KCNK9: variants seen among roughly 807,000 people sequenced by gnomAD.
The protein encoded by KCNK9 is potassium channel subfamily K member 9.
A neutral mutation model predicts 10.8 loss-of-function variants in KCNK9; 1 was observed. That is an observed-to-expected ratio of 0.09 (90% CI 0.03 to 0.44). The LOEUF is 0.44. Among genes scored for constraint, KCNK9 ranks in the 20% least tolerant of loss-of-function variants. The probability of loss-of-function intolerance (pLI) is 0.97; values close to 1 mark genes in which losing one functional copy is unlikely to be tolerated. For missense variants in KCNK9, 303 were observed against 515.0 expected (o/e 0.59, Z 3.98); for synonymous variants, 231 against 222.7 (o/e 1.04, Z -0.33).
chr8:139,649,066 C>T (rs1244110003), intron 1 of KCNK9, among the ~76,000 whole-genome samples: 1 of 152,174 alleles, frequency 6.6e-6, no homozygotes, highest in Non-Finnish European at 1.5e-5. Flanking sequence ...ATTTATCCTC[C>T]GAGGAGCTTT....
At chr8:139,637,474 G>T (rs958110463) in intron 1 of KCNK9, among the ~76,000 whole-genome samples, 44 of 152,180 alleles carry the variant, frequency 2.9e-4, no homozygotes, top group African/African-American at 1.0e-3. Flanking sequence ...AGAGAATCTT[G>T]CTCTTTGTGA....
chr8:139,661,545 T>G (rs775325588), intron 1 of KCNK9, among the ~76,000 whole-genome samples: 44 of 152,290 alleles, frequency 2.9e-4, no homozygotes, highest in Non-Finnish European at 4.9e-4. Context: ...TGCCCTCCCC[T>G]CTGGGGCCTC....
Position 139,702,674 on chromosome 8 carries a change from G to T in KCNK9, c.283+36C>A, listed in dbSNP as rs1453020321. On this transcript the variant is annotated intron_variant, in intron 1 of 1. Transcript: ENST00000520439. This position sits in a 1 kb window ranked among gnomAD's most constrained non-coding sequence, Gnocchi z 7.5. ...TCAGCCGCCTCCCCGGACTCCTCCCGGGGCGCGGGAGCCCAGCGGCGCGCC... is the reference window on the plus strand; with the variant it reads ...TCAGCCGCCTCCCCGGACTCCTCCCTGGGCGCGGGAGCCCAGCGGCGCGCC... 1 of 1,577,400 alleles carries T rather than the reference G, an allele frequency of 6.3e-7. No individual in the cohort carries two copies. The highest frequency in any genetic ancestry group is 1.3e-5 in the African/African-American group (1 of 74,282).
At position 139,618,996 on chromosome 8, in the gene KCNK9, G is replaced by T. The variant is rs578106232; in HGVS notation, c.387C>A (p.Gly129=). 1.2e-6 allele frequency: 2 copies of T among 1,614,188 alleles called. No individual in the cohort carries two copies. The highest frequency in any genetic ancestry group is 3.3e-5 in the Admixed American group (2 of 60,030). Residue 129 remains glycine (G), a synonymous_variant, in exon 2 of 2, where the codon GGC becomes GGA. Coordinates refer to ENST00000520439, the MANE Select transcript of KCNK9 (RefSeq NM_001282534.2). This position sits in a 1 kb window ranked among gnomAD's most constrained non-coding sequence, Gnocchi z 7.9. The part of the protein sequence containing the change: ...PLTLVMFQSL[G]ERMNTFVRYL... ...AGCGCACGAAGGTGTTCATGCGCTC[G>T]CCCAGGCTCTGGAACATGACCAGTG... is the stretch of plus-strand genomic sequence containing the variant.
At chr8:139,678,963 G>A (rs1432876458) in intron 1 of KCNK9, among the ~76,000 whole-genome samples, 11 of 152,258 alleles carry the variant, frequency 7.2e-5, no homozygotes. Context: ...GGCCTGCCCT[G>A]GCTGAAAGAA....
At chr8:139,638,772 C>CT (rs1815410847) in intron 1 of KCNK9, among the ~76,000 whole-genome samples, 1 of 152,206 alleles carries the variant, frequency 6.6e-6, no homozygotes, top group Admixed American at 6.5e-5. Context: ...TCAGCACCCG[C>CT]TGTGGGATGG....
intron 1 of KCNK9, among the ~76,000 whole-genome samples, chr8:139,686,237 G>A (rs867624545): frequency 2.0e-5 from 3 of 152,146 alleles, no homozygotes; most frequent in African/African-American, 7.2e-5. Context: ...CAAAAGCAAT[G>A]AAAACAAAAG....
At chr8:139,658,167 G>A (rs1319874715) in intron 1 of KCNK9, among the ~76,000 whole-genome samples, 1 of 152,176 alleles carries the variant, frequency 6.6e-6, no homozygotes, top group Non-Finnish European at 1.5e-5. Flanking sequence ...AGAGGTTGAG[G>A]GCACCAAGTA....
chr8:139,656,316 C>T (rs747365887), intron 1 of KCNK9, among the ~76,000 whole-genome samples: 1 of 152,194 alleles, frequency 6.6e-6, no homozygotes, highest in East Asian at 1.9e-4. Context: ...CAGCCTGGGC[C>T]ACTAACTCTT....
intron 1 of KCNK9, among the ~76,000 whole-genome samples, chr8:139,662,041 AC>A (rs1375172471): frequency 6.6e-6 from 1 of 152,140 alleles, no homozygotes; most frequent in East Asian, 1.9e-4. Flanking sequence ...ACAGAGGCAG[AC>A]TCAAGGCCAG....
chr8:139,674,761 C>T (rs1348125032), intron 1 of KCNK9, among the ~76,000 whole-genome samples: 3 of 152,198 alleles, frequency 2.0e-5, no homozygotes, highest in African/African-American at 7.2e-5. Context: ...GCCAAGCACC[C>T]CAGTGACCCT....
chr8:139,656,507 A>G (rs1816025614), intron 1 of KCNK9, among the ~76,000 whole-genome samples: 1 of 152,174 alleles, frequency 6.6e-6, no homozygotes, highest in South Asian at 2.1e-4. Flanking sequence ...AGGACCCGCC[A>G]GGTGCAGACA....
Position 139,634,117 on chromosome 8 carries a change from C to T in KCNK9, c.284-15018G>A, listed in dbSNP as rs145438995. Among the ~76,000 whole-genome samples the T allele has an allele frequency of 2.0e-3, 308 of 152,364 alleles. 1 individual carries two copies. Among genetic ancestry groups the T allele is most frequent in the South Asian group, 4.1e-3 (20 of 4,832 alleles). On this transcript the variant is annotated intron_variant, in intron 1 of 1. Transcript: ENST00000520439. ...AACCCAGGGCTGGGACAGCTTAGCA[C>T]GGTGGACTCATGGGCCTGAGTCAAG...
At position 139,693,807 on chromosome 8, in the gene KCNK9, G is replaced by T. The variant is rs1193018194; in HGVS notation, c.283+8903C>A. The stretch of plus-strand genomic sequence containing the variant: ...CTGATTCTGCAGGGGATGGGGAGCT[G>T]CTGGGGTCTGGGGCAGGGCGAAGAT... On this transcript the variant is annotated intron_variant, in intron 1 of 1. Coordinates refer to ENST00000520439, the MANE Select transcript of KCNK9 (RefSeq NM_001282534.2). The surrounding 1 kb of genome is among the most constrained non-coding windows in gnomAD (Gnocchi z 4.1). Among the ~76,000 whole-genome samples, 1 of 152,160 alleles carries T rather than the reference G, an allele frequency of 6.6e-6. No individual in the cohort carries two copies. The highest frequency in any genetic ancestry group is 1.5e-5 in the Non-Finnish European group (1 of 68,020).
intron 1 of KCNK9, among the ~76,000 whole-genome samples, chr8:139,679,351 C>A (rs1025069705): frequency 6.6e-6 from 1 of 152,210 alleles, no homozygotes; most frequent in African/African-American, 2.4e-5. Context: ...TCCCTGAGCA[C>A]GGGGGTGTGG....
At chr8:139,644,077 TAGGAAGGGCCAGACTCAAGCCCATTGC>T (rs2129652870) in intron 1 of KCNK9, among the ~76,000 whole-genome samples, 2 of 152,324 alleles carry the variant, frequency 1.3e-5, no homozygotes, top group East Asian at 3.9e-4. Flanking sequence ...ATTACTGTGC[TAGGAAGGGCCAGACTCAAGCCCATTGC>T]AGGAAGGGCT....
At chr8:139,645,947 T>G (rs1209232147) in intron 1 of KCNK9, among the ~76,000 whole-genome samples, 1 of 151,320 alleles carries the variant, frequency 6.6e-6, no homozygotes, top group Non-Finnish European at 1.5e-5. Flanking sequence ...GCACCCCACC[T>G]CCTTAGCCCA....
chr8:139,687,268 T>C (rs549105944), intron 1 of KCNK9, among the ~76,000 whole-genome samples: 357 of 151,480 alleles, frequency 2.4e-3, no homozygotes, highest in African/African-American at 8.5e-3. Context: ...GGCTGGACCA[T>C]GACAGGAGGC....
At chr8:139,665,374 C>T (rs1450236079) in intron 1 of KCNK9, among the ~76,000 whole-genome samples, 2 of 152,210 alleles carry the variant, frequency 1.3e-5, no homozygotes, top group African/African-American at 4.8e-5. Context: ...TGACTCTACC[C>T]TCCTGCCTCC....
Sources: allele counts gnomAD v4.1 joint callset (sites outside exome capture counted in the v4.1 genomes callset), GRCh38; gene constraint gnomAD v4.1.1; non-coding constraint Gnocchi (gnomAD v3.1); transcripts MANE v1.5; gene names NCBI Gene and HGNC (gene_info 2026-07-23, HGNC 2026-07-21).